FRMPD4: variants seen among roughly 807,000 people sequenced by gnomAD.
FRMPD4 encodes FERM and PDZ domain containing 4.
A neutral mutation model predicts 94.1 loss-of-function variants in FRMPD4; 22 were observed. The ratio of observed to expected loss-of-function variants is 0.23; its 90% CI spans 0.17 to 0.33. The LOEUF is 0.33. FRMPD4 is among the 10% of genes least tolerant of loss of function. The pLI is 1.00. For missense variants in FRMPD4, 1,111 were observed against 1,339.9 expected, an observed-to-expected ratio of 0.83 and a Z score of 2.67; for synonymous variants, 631 against 548.6, an observed-to-expected ratio of 1.15 and a Z score of -2.10.
At chrX:12,567,518 G>A (rs1289434107) in intron 2 of FRMPD4, among the ~76,000 whole-genome samples, 2 of 112,545 alleles carry the variant, frequency 1.8e-5, no homozygotes, top group African/African-American at 6.5e-5. Flanking sequence ...CTATACTGAA[G>A]AGGCAGATAG....
At chrX:12,352,223 A>G (rs1371929161) in intron 1 of FRMPD4, among the ~76,000 whole-genome samples, 4 of 112,324 alleles carry the variant, frequency 3.6e-5, no homozygotes, top group African/African-American at 1.3e-4. Context: ...AGGAGGCTCT[A>G]TTATAAACAT....
chrX:12,478,569 C>T (rs964070251), intron 1 of FRMPD4, among the ~76,000 whole-genome samples: 3 of 111,601 alleles, frequency 2.7e-5, no homozygotes, highest in African/African-American at 3.3e-5. Context: ...AGTGACAGAG[C>T]GAGACCCCAT....
At position 12,350,626 on chromosome X, in the gene FRMPD4, C is replaced by T. The variant is rs180823512; in HGVS notation, c.42-148054C>T. Among the ~76,000 whole-genome samples the T allele has an allele frequency of 5.7e-4, 64 of 111,762 alleles. No individual in the cohort carries two copies. In the South Asian group the frequency reaches 0.017, roughly 30 times the overall value. On this transcript the variant is annotated intron_variant, in intron 1 of 16. Transcript: ENST00000675598. ...AACTACCCGGATATGAACTGAATGTCGAAACAGGTTAGACATTTCAAATTG... is the reference window on the plus strand; with the variant it reads ...AACTACCCGGATATGAACTGAATGTTGAAACAGGTTAGACATTTCAAATTG...
chrX:12,305,725 GT>G (rs58794898), intron 1 of FRMPD4, among the ~76,000 whole-genome samples: 18,809 of 59,529 alleles, frequency 0.32, 2,748 homozygotes, highest in East Asian at 0.63. Context: ...AGCTGGCTAA[GT>G]TTTTTTTTTT....
intron 1 of FRMPD4, among the ~76,000 whole-genome samples, chrX:12,419,707 T>C (rs1002539333): frequency 1.8e-5 from 2 of 111,383 alleles, no homozygotes; most frequent in African/African-American, 6.5e-5. Flanking sequence ...GGACACCAAA[T>C]TCAAGGGCAA....
At chrX:12,098,336 A>G (rs984288067) in intron 3 of FRMPD4, among the ~76,000 whole-genome samples, 5 of 112,099 alleles carry the variant, frequency 4.5e-5, no homozygotes, top group Non-Finnish European at 9.4e-5. Context: ...AAAACCTATT[A>G]CAGTGAATGT....
At chrX:12,359,472 C>CTTTTTTTTTTTTTTTTTTT (rs34380413) in intron 1 of FRMPD4, among the ~76,000 whole-genome samples, 1 of 98,035 alleles carries the variant, frequency 1.0e-5, no homozygotes. Flanking sequence ...TTTCTTTTTT[C>CTTTTTTTTTTTTTTTTTTT]TTTTTTTTTT....
intron 1 of FRMPD4, among the ~76,000 whole-genome samples, chrX:12,173,111 A>C (rs1030397416): frequency 1.8e-5 from 2 of 112,757 alleles, no homozygotes; most frequent in African/African-American, 6.4e-5. Flanking sequence ...CCCAAGCTCA[A>C]GGTCTCTATG....
rs759847718 is a variant in FRMPD4 at position 12,072,749 on chromosome X, A to G, written c.95+194731A>G. The stretch of plus-strand genomic sequence containing the variant: ...AGATACAGAGCATGTCACAATAAAC[A>G]TATATATGCCCCGGTTAAACACACT... On this transcript the variant is annotated intron_variant, in intron 3 of 18. Coordinates refer to the FRMPD4 transcript ENST00000640291. 2.7e-5 allele frequency among the ~76,000 whole-genome samples: 3 copies of G among 111,577 alleles called. No homozygotes were observed. The East Asian group carries it at 8.4e-4, about 31-fold the overall frequency.
chrX:12,416,516 G>A (rs1439712346), intron 1 of FRMPD4, among the ~76,000 whole-genome samples: 3 of 112,316 alleles, frequency 2.7e-5, no homozygotes, highest in Middle Eastern at 4.7e-3. Flanking sequence ...TTAATAATCC[G>A]TTCTTTTTCG....
chrX:12,626,886 C>A (rs1375165662), intron 4 of FRMPD4, among the ~76,000 whole-genome samples: 1 of 109,839 alleles, frequency 9.1e-6, no homozygotes, highest in Non-Finnish European at 1.9e-5. Flanking sequence ...AGATCATGTT[C>A]CAGGGGCATT....
At chrX:11,957,603 T>G (rs5933938) in intron 3 of FRMPD4, among the ~76,000 whole-genome samples, 9,791 of 111,696 alleles carry the variant, frequency 0.088, 364 homozygotes, top group East Asian at 0.24. Flanking sequence ...ATATTGAAAC[T>G]AACTTATAAG....
At chrX:12,519,715 TCAAA>T (rs1172567155) in intron 2 of FRMPD4, among the ~76,000 whole-genome samples, 1 of 112,252 alleles carries the variant, frequency 8.9e-6, no homozygotes, top group African/African-American at 3.2e-5. Context: ...CAGCAAAATG[TCAAA>T]CAACTCAATT....
At chrX:12,675,779 C>T (rs749906786) in intron 5 of FRMPD4, among the ~76,000 whole-genome samples, 94 of 111,492 alleles carry the variant, frequency 8.4e-4, no homozygotes, top group Admixed American at 2.1e-3. Flanking sequence ...GGAGTGGCAG[C>T]GATTCCAGCC....
chrX:12,056,874 GC>G (rs1457110105), intron 3 of FRMPD4, among the ~76,000 whole-genome samples: 1 of 111,643 alleles, frequency 9.0e-6, no homozygotes, highest in African/African-American at 3.3e-5. Flanking sequence ...AGCAAATAAT[GC>G]TGTAATGTTT....
At chrX:12,151,698 A>G (rs905273508) in intron 1 of FRMPD4, among the ~76,000 whole-genome samples, 1 of 112,132 alleles carries the variant, frequency 8.9e-6, no homozygotes, top group African/African-American at 3.2e-5. Flanking sequence ...ACACTATTCT[A>G]TCCTTAAGTT....
intron 4 of FRMPD4, among the ~76,000 whole-genome samples, chrX:12,660,544 T>C (rs774051758): frequency 8.9e-6 from 1 of 112,322 alleles, no homozygotes; most frequent in African/African-American, 3.2e-5. Flanking sequence ...AAGGGAGTCA[T>C]TGGCTTGGAC....
chrX:12,457,634 T>G (rs1476379840), intron 1 of FRMPD4, among the ~76,000 whole-genome samples: 2 of 112,076 alleles, frequency 1.8e-5, no homozygotes, highest in Non-Finnish European at 3.8e-5. Context: ...GGGGAATATA[T>G]TAAACCACTT....
At chrX:11,949,891 C>T (rs1055122167) in intron 3 of FRMPD4, among the ~76,000 whole-genome samples, 1 of 111,821 alleles carries the variant, frequency 8.9e-6, no homozygotes, top group African/African-American at 3.3e-5. Flanking sequence ...AACTATTTTG[C>T]AATTAATAAA....
Sources: gnomAD v4.1 joint callset for allele counts (sites outside exome capture counted in the v4.1 genomes callset) on GRCh38, gnomAD v4.1.1 for gene constraint, MANE v1.5 for transcripts, NCBI Gene and HGNC (gene_info 2026-07-23, HGNC 2026-07-21) for gene names.